ZPBP: variants seen among roughly 807,000 people sequenced by gnomAD.
The protein encoded by ZPBP is zona pellucida binding protein, also known as zona pellucida-binding protein 1.
In ZPBP, 26 loss-of-function variants were observed where a neutral mutation model predicts 44.8. The ratio of observed to expected loss-of-function variants is 0.58; its 90% CI spans 0.43 to 0.81. The LOEUF is 0.81. ZPBP is among the 30% of genes least tolerant of loss of function. The pLI, the probability that ZPBP is intolerant of heterozygous loss-of-function variation, is 0.00. For missense variants in ZPBP, 409 were observed against 434.0 expected (o/e 0.94, Z 0.51); for synonymous variants, 174 against 153.2 (o/e 1.14, Z -1.00).
intron 3 of ZPBP, among the ~76,000 whole-genome samples, chr7:50,067,631 G>T (rs1801587132): frequency 6.6e-6 from 1 of 152,098 alleles, no homozygotes; most frequent in Non-Finnish European, 1.5e-5. Context: ...AATCTCTTCG[G>T]CTTGAGAACA....
intron 7 of ZPBP, among the ~76,000 whole-genome samples, chr7:49,966,498 C>T (rs967084725): frequency 2.6e-5 from 4 of 152,120 alleles, no homozygotes; most frequent in African/African-American, 9.6e-5. Context: ...AGTACATACT[C>T]TAATAGCTAA....
intron 2 of ZPBP, among the ~76,000 whole-genome samples, chr7:49,873,446 C>T (rs1791259105): frequency 6.6e-6 from 1 of 152,142 alleles, no homozygotes; most frequent in African/African-American, 2.4e-5. Context: ...CTGCCCAAGT[C>T]ACCACCTCCT....
chr7:49,971,618 A>C (rs567899886), intron 7 of ZPBP, among the ~76,000 whole-genome samples: 72 of 152,274 alleles, frequency 4.7e-4, no homozygotes, highest in African/African-American at 1.6e-3. Flanking sequence ...CAGTAATCAA[A>C]AACTTTCTTA....
At chr7:49,904,669 A>G (rs1422800570) in intron 1 of ZPBP, among the ~76,000 whole-genome samples, 1 of 152,176 alleles carries the variant, frequency 6.6e-6, no homozygotes, top group Non-Finnish European at 1.5e-5. Context: ...ACCTATTACA[A>G]GAGCAGTAAC....
rs1160968242 is a variant in ZPBP, at chr7:49,908,124, T to C, written n.412-6909A>G. 3.3e-5 allele frequency among the ~76,000 whole-genome samples: 5 copies of C among 152,252 alleles called. No individual in the cohort carries two copies. The East Asian group carries it at 9.6e-4, about 29-fold the overall frequency. ...TCAGGGACCACTGTCTGTCATGTGATGCCAATACTAGAGTCAGGCTGGAAT... is the reference window on the plus strand; with the variant it reads ...TCAGGGACCACTGTCTGTCATGTGACGCCAATACTAGAGTCAGGCTGGAAT... On this transcript the variant is annotated intron_variant and non_coding_transcript_variant, in intron 1 of 2. Coordinates refer to the ZPBP transcript ENST00000465922.
At chr7:49,893,633 C>T (rs1278894248) in intron 2 of ZPBP, among the ~76,000 whole-genome samples, 3 of 98,460 alleles carry the variant, frequency 3.0e-5, no homozygotes, top group African/African-American at 7.5e-5. Flanking sequence ...CTTAGGAAAC[C>T]AGTTTTTTTT....
At chr7:50,015,751 A>G (rs186041253) in intron 6 of ZPBP, among the ~76,000 whole-genome samples, 15 of 152,258 alleles carry the variant, frequency 9.9e-5, no homozygotes, top group African/African-American at 3.6e-4. Context: ...ACATGAACAG[A>G]CACTTCTCAA....
At position 49,931,563 on chromosome 7, in the gene ZPBP, C is replaced by T. The variant is rs1053815156; in HGVS notation, n.411+4188G>A. Reference sequence around the variant, plus strand: ...CTTGAGAGAGATGATTTACGGTACCCAGTGGAAGAACCTTCTAAGCAGAAA... The same window carrying T: ...CTTGAGAGAGATGATTTACGGTACCTAGTGGAAGAACCTTCTAAGCAGAAA... On this transcript the variant is annotated intron_variant and non_coding_transcript_variant, in intron 1 of 2. Transcript: ENST00000465922. Among the ~76,000 whole-genome samples the T allele has an allele frequency of 2.6e-5, 4 of 152,226 alleles. No individual in the cohort carries two copies. In the South Asian group the frequency reaches 6.2e-4, roughly 24 times the overall value.
At chr7:49,944,910 T>C (rs1795037870) in intron 7 of ZPBP, among the ~76,000 whole-genome samples, 1 of 152,092 alleles carries the variant, frequency 6.6e-6, no homozygotes, top group Non-Finnish European at 1.5e-5. Context: ...TTTGCCCTTG[T>C]TTTTCTAGTT....
intron 1 of ZPBP, among the ~76,000 whole-genome samples, chr7:49,907,097 A>G (rs1005316626): frequency 2.6e-5 from 4 of 152,202 alleles, no homozygotes; most frequent in Non-Finnish European, 5.9e-5. Flanking sequence ...ATAAGCTGGG[A>G]CATGTTTTTA....
In ZPBP at chr7:49,915,113, A is replaced by C. The variant is rs539749572; in HGVS notation, n.412-13898T>G. 9 of 152,316 alleles carry C rather than the reference A, an allele frequency of 5.9e-5. No individual in the cohort carries two copies. In the East Asian group the frequency reaches 1.5e-3, roughly 26 times the overall value. 9.4% of individuals were successfully genotyped at this position (152,316 alleles called of 1,614,324 possible). ...GTTTTCAAGTTAAATTCATTCTTTCAGTGATAGGATATTTACTTGTTGGGT... is the reference window on the plus strand; with the variant it reads ...GTTTTCAAGTTAAATTCATTCTTTCCGTGATAGGATATTTACTTGTTGGGT... On this transcript the variant is annotated intron_variant and non_coding_transcript_variant, in intron 1 of 2. Transcript: ENST00000465922.
intron 7 of ZPBP, among the ~76,000 whole-genome samples, chr7:49,975,861 A>T (rs1200950446): frequency 6.6e-6 from 1 of 152,144 alleles, no homozygotes; most frequent in East Asian, 1.9e-4. Flanking sequence ...ATTTAAATTG[A>T]TCGTTTCAGT....
intron 4 of ZPBP, among the ~76,000 whole-genome samples, chr7:50,057,425 G>A (rs912603698): frequency 2.0e-5 from 3 of 152,134 alleles, no homozygotes; most frequent in Admixed American, 6.6e-5. Flanking sequence ...GTAAGAGTGT[G>A]TGCCTCTGAC....
chr7:50,067,660 C>T (rs958468290), intron 3 of ZPBP, among the ~76,000 whole-genome samples: 14 of 152,188 alleles, frequency 9.2e-5, no homozygotes, highest in African/African-American at 3.4e-4. Context: ...ACCATGTCCA[C>T]CCAGCAATGA....
downstream of ZPBP, among the ~76,000 whole-genome samples, chr7:49,934,168 T>A (rs1003260545): frequency 2.6e-5 from 4 of 152,100 alleles, no homozygotes; most frequent in South Asian, 4.1e-4. Context: ...TCACTGTGTG[T>A]CCTCATTGTG....
In ZPBP at chr7:50,011,431, T is replaced by TTTA. The variant is rs1482910734; in HGVS notation, c.783+6808_783+6809insTAA. Among the ~76,000 whole-genome samples the TTTA allele has an allele frequency of 2.7e-4, 41 of 152,236 alleles. 1 individual carries two copies. The highest frequency in any genetic ancestry group is 2.1e-3 in the Admixed American group (32 of 15,280). The stretch of plus-strand genomic sequence containing the variant: ...AATCAGTAAAGTGAACAGACAACCA[T>TTTA]GTTGCCCACAAAGTCTAAAATATTT... On this transcript the variant is annotated intron_variant, in intron 6 of 7. Transcript: ENST00000046087.
intron 2 of ZPBP, among the ~76,000 whole-genome samples, chr7:49,899,634 A>G (rs1792599435): frequency 6.6e-6 from 1 of 152,040 alleles, no homozygotes; most frequent in African/African-American, 2.4e-5. Context: ...ACAGGTCTTC[A>G]ATATGCATTT....
intron 2 of ZPBP, among the ~76,000 whole-genome samples, chr7:49,893,955 GGACC>G (rs1488493833): frequency 6.6e-6 from 1 of 152,162 alleles, no homozygotes; most frequent in African/African-American, 2.4e-5. Flanking sequence ...AGCAGATGCT[GGACC>G]CTGCTGGGCT....
At chr7:49,884,960 A>T (rs1791833496) in intron 2 of ZPBP, among the ~76,000 whole-genome samples, 1 of 152,168 alleles carries the variant, frequency 6.6e-6, no homozygotes, top group Non-Finnish European at 1.5e-5. Flanking sequence ...CAAGTCAAAT[A>T]AAAAGATGAA....
Sources: allele counts gnomAD v4.1 joint callset (sites outside exome capture counted in the v4.1 genomes callset), GRCh38; gene constraint gnomAD v4.1.1; transcripts MANE v1.5; gene names NCBI Gene and HGNC (gene_info 2026-07-23, HGNC 2026-07-21).